The following HECW1 variants were observed in gnomAD, a reference collection of about 807,000 sequenced individuals.
HECW1 encodes the protein E3 ubiquitin-protein ligase HECW1.
HECW1 carries 61 observed loss-of-function variants against 182.3 expected under a neutral mutation model. That is an observed-to-expected ratio of 0.33 (90% CI 0.27 to 0.41). HECW1 has a LOEUF of 0.41. Ranked by LOEUF, HECW1 falls within the 10% of genes least tolerant of loss-of-function variation. The pLI is 1.00. For missense variants in HECW1, 1,739 were observed against 2,108.9 expected (o/e 0.82, Z 3.44); for synonymous variants, 859 against 832.6 (o/e 1.03, Z -0.55).
intron 2 of HECW1, chr7:43,239,145 G>A (rs1260244545): frequency 1.3e-5 from 2 of 152,200 alleles, no homozygotes; most frequent in Non-Finnish European, 2.9e-5. Flanking sequence ...TATCCAGTCT[G>A]GCTGATGGCT....
intron 3 of HECW1, among the ~76,000 whole-genome samples, chr7:43,275,708 G>GCACACACA (rs146476821): frequency 4.8e-5 from 7 of 146,100 alleles, no homozygotes; most frequent in East Asian, 2.0e-4. Context: ...TTATGCGCAC[G>GCACACACA]CACACACACA....
chr7:43,115,315 T>TG (rs11373110), intron 2 of HECW1, among the ~76,000 whole-genome samples: 6 of 150,216 alleles, frequency 4.0e-5, no homozygotes, highest in Admixed American at 3.3e-4. Flanking sequence ...TTTTTTTTTT[T>TG]GTCCACTATA....
chr7:43,414,202 AT>A (rs1328617347), intron 8 of HECW1, among the ~76,000 whole-genome samples: 2 of 150,702 alleles, frequency 1.3e-5, no homozygotes, highest in Non-Finnish European at 3.0e-5. Context: ...TAGGTATTTT[AT>A]TCTCTTTGAA....
At chr7:43,386,709 G>C (rs1210559751) in intron 6 of HECW1, among the ~76,000 whole-genome samples, 1 of 152,106 alleles carries the variant, frequency 6.6e-6, no homozygotes, top group African/African-American at 2.4e-5. Flanking sequence ...CAAGTTGTAA[G>C]CCCTCATCTC....
chr7:43,351,398 G>C (rs2152806348), intron 5 of HECW1, among the ~76,000 whole-genome samples: 1 of 152,270 alleles, frequency 6.6e-6, no homozygotes, highest in South Asian at 2.1e-4. Flanking sequence ...TATGCAGAGG[G>C]ACCAGTGGTG....
At chr7:43,248,766 C>T (rs113713516) in intron 3 of HECW1, 2 of 145,790 alleles carry the variant, frequency 1.4e-5, no homozygotes, top group African/African-American at 5.1e-5. Context: ...CCCCATCTCC[C>T]CGTTCTCCTC....
chr7:43,431,428 C>T (rs2076545840), intron 8 of HECW1, among the ~76,000 whole-genome samples: 1 of 152,178 alleles, frequency 6.6e-6, no homozygotes, highest in Non-Finnish European at 1.5e-5. Context: ...ACCTCTTCCT[C>T]TCCCACATTC....
chr7:43,426,636 G>A (rs544626307), intron 8 of HECW1, among the ~76,000 whole-genome samples: 1 of 152,228 alleles, frequency 6.6e-6, no homozygotes, highest in African/African-American at 2.4e-5. Context: ...CTTAGAAAAT[G>A]ATTTGGGTAG....
At chr7:43,421,268 C>T (rs1198135795) in intron 8 of HECW1, among the ~76,000 whole-genome samples, 1 of 152,156 alleles carries the variant, frequency 6.6e-6, no homozygotes. Flanking sequence ...AATGCAGTCT[C>T]ACAACATACA....
chr7:43,464,072 G>A (rs879597442), intron 14 of HECW1, among the ~76,000 whole-genome samples: 5 of 152,218 alleles, frequency 3.3e-5, no homozygotes, highest in Non-Finnish European at 5.9e-5. Context: ...GATGAATTCT[G>A]GGGATGGAGC....
At position 43,444,733 on chromosome 7, in the gene HECW1, A is replaced by C; in HGVS notation, c.1561A>C (p.Arg521=). Residue 521 remains arginine, a synonymous_variant, in exon 11 of 30, where the codon AGG becomes CGG. Coordinates refer to ENST00000395891, the MANE Select transcript of HECW1 (RefSeq NM_015052.5). The surrounding 1 kb of genome is among the most constrained non-coding windows in gnomAD (Gnocchi z 4.3). The part of the protein sequence containing the change: ...DVSTLEQGEG[R]LQLRASVKRK... ...GTCTACCCTGGAGCAGGGAGAGGGC[A>C]GGCTGCAGCTGCGGGCCTCGGTGAA... 1 of 1,613,230 alleles carries C rather than the reference A, an allele frequency of 6.2e-7. No individual in the cohort carries two copies.
intron 5 of HECW1, among the ~76,000 whole-genome samples, chr7:43,355,850 G>C (rs1815060042): frequency 1.3e-5 from 2 of 151,994 alleles, no homozygotes; most frequent in Admixed American, 1.3e-4. Context: ...TTAGCTGGGT[G>C]TGGTGGCGCA....
intron 24 of HECW1, 173 bp downstream of exon 24, chr7:43,509,294 C>A: frequency 1.8e-6 from 1 of 554,786 alleles, no homozygotes; most frequent in Non-Finnish European, 3.0e-6. Flanking sequence ...TCACCCAGAA[C>A]ACAAGATGGA....
At chr7:43,322,623 A>C (rs1562834523) in intron 5 of HECW1, among the ~76,000 whole-genome samples, 1 of 152,142 alleles carries the variant, frequency 6.6e-6, no homozygotes, top group Non-Finnish European at 1.5e-5. Flanking sequence ...TACCTAACAA[A>C]TAGCATCATT....
At chr7:43,228,545 A>T (rs529586411) in intron 2 of HECW1, among the ~76,000 whole-genome samples, 1 of 152,316 alleles carries the variant, frequency 6.6e-6, no homozygotes, top group Non-Finnish European at 1.5e-5. Context: ...GGGGAGAAGA[A>T]CACTTGCATG....
At chr7:43,329,253 G>A (rs780684796) in intron 5 of HECW1, among the ~76,000 whole-genome samples, 6 of 152,104 alleles carry the variant, frequency 3.9e-5, no homozygotes, top group Admixed American at 3.9e-4. Flanking sequence ...CAGGGAAGGA[G>A]CCCAGGGTCA....
At chr7:43,387,952 A>G (rs12702040) in intron 6 of HECW1, among the ~76,000 whole-genome samples, 48,900 of 152,218 alleles carry the variant, frequency 0.32, 8,045 homozygotes, top group Non-Finnish European at 0.34. Flanking sequence ...CTGATTTAGA[A>G]CATGTATTAT....
Position 43,497,765 on chromosome 7 carries a change from T to C in HECW1, c.3438-2934T>C, listed in dbSNP as rs996418812. On this transcript the variant is annotated intron_variant, in intron 19 of 29. Transcript: ENST00000395891. ...AACATGGTGGGTGAGGAGAAGAGAG[T>C]AATTAAGAATGACAGCCAAGTGTGG... Among the ~76,000 whole-genome samples, 3 of 151,424 alleles carry C rather than the reference T, an allele frequency of 2.0e-5. No individual in the cohort carries two copies. The East Asian group carries it at 5.9e-4, about 30-fold the overall frequency.
chr7:43,260,244 G>T (rs1379509902), intron 3 of HECW1, among the ~76,000 whole-genome samples: 11 of 152,178 alleles, frequency 7.2e-5, no homozygotes, highest in Admixed American at 5.9e-4. Context: ...CTGGTTAAGG[G>T]ATCAAGACAG....
Sources: gnomAD v4.1 joint callset for allele counts (sites outside exome capture counted in the v4.1 genomes callset) on GRCh38, gnomAD v4.1.1 for gene constraint, Gnocchi (gnomAD v3.1) non-coding constraint, MANE v1.5 for transcripts, NCBI Gene and HGNC (gene_info 2026-07-23, HGNC 2026-07-21) for gene names.